Variants in TMEM74 observed in about 807,000 individuals in gnomAD.
TMEM74 encodes the protein transmembrane protein 74.
In TMEM74, 13 loss-of-function variants were observed where a neutral mutation model predicts 18.1. The ratio of observed to expected loss-of-function variants is 0.72; its 90% confidence interval spans 0.47 to 1.14. TMEM74 has a LOEUF of 1.14. Ranked by LOEUF, TMEM74 falls within the 50% of genes most tolerant of loss-of-function variation. TMEM74 has a pLI of 0.00. For synonymous variants in TMEM74, 159 were observed against 146.6 expected, an observed-to-expected ratio of 1.08 and a Z score of -0.61; for missense variants, 372 against 375.9, an observed-to-expected ratio of 0.99 and a Z score of 0.09.
intron 2 of TMEM74, among the ~76,000 whole-genome samples, chr8:108,649,436 T>A (rs1484536721): frequency 6.6e-6 from 1 of 152,152 alleles, no homozygotes; most frequent in African/African-American, 2.4e-5. Context: ...AACTCTTATT[T>A]ATTGTTTGTG....
chr8:108,748,972 A>T lies in TMEM74; in HGVS notation n.119+38504T>A, dbSNP rs550898936. Among the ~76,000 whole-genome samples the T allele has an allele frequency of 6.6e-5, 10 of 151,810 alleles. No individual in the cohort carries two copies. In the East Asian group the frequency reaches 1.9e-3, roughly 30 times the overall value. On this transcript the variant is annotated intron_variant and non_coding_transcript_variant, in intron 1 of 3. Coordinates refer to the TMEM74 transcript ENST00000518838. ...GGCTGTGTGTCTGTTCTTGTACCAT[A>T]CACGTGGTGCCAGATGTGTTTTGTA...
chr8:108,740,788 T>G (rs894483644), intron 1 of TMEM74, among the ~76,000 whole-genome samples: 11 of 152,302 alleles, frequency 7.2e-5, no homozygotes, highest in Admixed American at 5.2e-4. Context: ...TTTGGCACTG[T>G]TTTATAAAGC....
intron 1 of TMEM74, among the ~76,000 whole-genome samples, chr8:108,661,228 C>T (rs1812896359): frequency 6.6e-6 from 1 of 152,000 alleles, no homozygotes; most frequent in Admixed American, 6.6e-5. Context: ...TATGGCATCC[C>T]TTGTACAAAT....
intron 1 of TMEM74, among the ~76,000 whole-genome samples, chr8:108,719,628 G>A (rs1442291706): frequency 2.6e-5 from 4 of 152,014 alleles, no homozygotes; most frequent in African/African-American, 9.7e-5. Context: ...TGCAAAATAT[G>A]CATACAGTTT....
exon 4 of TMEM74, chr8:108,606,881 G>A (rs943309007): frequency 4.6e-5 from 7 of 152,212 alleles, no homozygotes; most frequent in African/African-American, 1.7e-4. Context: ...TGTACTCATG[G>A]TTTTGGAGGT....
chr8:108,663,198 C>T (rs1324247346), intron 1 of TMEM74, among the ~76,000 whole-genome samples: 1 of 151,962 alleles, frequency 6.6e-6, no homozygotes, highest in African/African-American at 2.4e-5. Context: ...ATCTATCTGA[C>T]AAAGGTCTAA....
At chr8:108,757,401 A>G (rs1466491441) in intron 1 of TMEM74, among the ~76,000 whole-genome samples, 2 of 152,134 alleles carry the variant, frequency 1.3e-5, no homozygotes, top group African/African-American at 2.4e-5. Flanking sequence ...ATCCAATTGT[A>G]TACATCAATA....
downstream of TMEM74, among the ~76,000 whole-genome samples, chr8:108,777,989 T>C (rs7844694): frequency 0.42 from 63,537 of 152,000 alleles, 14,185 homozygotes; most frequent in African/African-American, 0.57. Context: ...GTGACAATTT[T>C]TTTTTAAGCA....
chr8:108,728,615 A>T (rs745400963), intron 1 of TMEM74, among the ~76,000 whole-genome samples: 5 of 152,190 alleles, frequency 3.3e-5, no homozygotes, highest in Non-Finnish European at 7.3e-5. Flanking sequence ...GCAAGGTATA[A>T]CTATATTCAG....
chr8:108,655,961 G>C (rs1489058471), intron 1 of TMEM74, among the ~76,000 whole-genome samples: 3 of 152,106 alleles, frequency 2.0e-5, no homozygotes. Flanking sequence ...GTTTAAAAAG[G>C]CTGGGCACAG....
intron 2 of TMEM74, among the ~76,000 whole-genome samples, chr8:108,631,837 C>T (rs1031117506): frequency 7.9e-5 from 12 of 151,946 alleles, no homozygotes; most frequent in Admixed American, 7.2e-4. Context: ...AATGTTTCTA[C>T]TTTTGTTTTG....
intron 3 of TMEM74, among the ~76,000 whole-genome samples, chr8:108,608,062 G>T (rs1490756118): frequency 6.6e-6 from 1 of 152,044 alleles, no homozygotes; most frequent in African/African-American, 2.4e-5. Context: ...CCAGCACTTT[G>T]GGAGGCCGAG....
intron 2 of TMEM74, among the ~76,000 whole-genome samples, chr8:108,647,779 C>T (rs541346883): frequency 6.6e-6 from 1 of 151,976 alleles, no homozygotes; most frequent in Non-Finnish European, 1.5e-5. Flanking sequence ...GGATGAAAGG[C>T]AAGAAGATAA....
At chr8:108,773,816 C>A (rs1004139815) in intron 1 of TMEM74, among the ~76,000 whole-genome samples, 3 of 152,160 alleles carry the variant, frequency 2.0e-5, no homozygotes, top group Non-Finnish European at 2.9e-5. Context: ...CAGTCGCAGG[C>A]AAGCCTTAAA....
intron 1 of TMEM74, among the ~76,000 whole-genome samples, chr8:108,665,555 A>C (rs1410488593): frequency 6.6e-6 from 1 of 152,166 alleles, no homozygotes; most frequent in African/African-American, 2.4e-5. Context: ...ATGCATGAAG[A>C]AAGTAATGGC....
chr8:108,672,817 C>A (rs921598014), intron 1 of TMEM74, among the ~76,000 whole-genome samples: 2 of 152,170 alleles, frequency 1.3e-5, no homozygotes. Flanking sequence ...GATGCTATAT[C>A]CTGTGTCAAG....
chr8:108,733,891 A>G lies in TMEM74; in HGVS notation n.119+53585T>C, dbSNP rs78761012. Reference sequence around the variant, plus strand: ...AATGTGGCTCTGGTTTAGCTGTTCCACAACATCAAGCATCATCGCATTTGT... The same window carrying G: ...AATGTGGCTCTGGTTTAGCTGTTCCGCAACATCAAGCATCATCGCATTTGT... On this transcript the variant is annotated intron_variant and non_coding_transcript_variant, in intron 1 of 3. Transcript: ENST00000518838. Among the ~76,000 whole-genome samples the G allele has an allele frequency of 1.2e-3, 189 of 152,332 alleles. 3 individuals carry two copies. In the East Asian group the frequency reaches 0.033, roughly 27 times the overall value.
intron 1 of TMEM74, among the ~76,000 whole-genome samples, chr8:108,726,578 G>C: frequency 6.6e-6 from 1 of 152,148 alleles, no homozygotes; most frequent in East Asian, 1.9e-4. Flanking sequence ...CATTGCACCT[G>C]TTTGGGAGAT....
intron 1 of TMEM74, among the ~76,000 whole-genome samples, chr8:108,658,708 G>C (rs1195804745): frequency 6.6e-6 from 1 of 152,144 alleles, no homozygotes; most frequent in African/African-American, 2.4e-5. Flanking sequence ...GAGCCTCTTC[G>C]TAATGTTGTA....
Sources: allele counts gnomAD v4.1 joint callset (sites outside exome capture counted in the v4.1 genomes callset), GRCh38; gene constraint gnomAD v4.1.1; transcripts MANE v1.5; gene names NCBI Gene and HGNC (gene_info 2026-07-23, HGNC 2026-07-21).